Variants in EPHB1 observed in about 807,000 individuals in gnomAD.
EPHB1 encodes ephrin type-B receptor 1.
In EPHB1, 30 loss-of-function variants were observed where a neutral mutation model predicts 94.4. The observed-to-expected ratio is 0.32, with a 90% CI of 0.24 to 0.43. EPHB1 has a LOEUF of 0.43. EPHB1 is among the 20% of genes least tolerant of loss of function. The pLI, the probability that EPHB1 is intolerant of heterozygous loss-of-function variation, is 1.00. For synonymous variants in EPHB1, 522 were observed against 489.1 expected, an observed-to-expected ratio of 1.07 and a Z score of -0.89; for missense variants, 1,055 against 1,308.3, an observed-to-expected ratio of 0.81 and a Z score of 2.99.
At chr3:135,056,812 G>A (rs1160973452) in intron 3 of EPHB1, among the ~76,000 whole-genome samples, 2 of 152,224 alleles carry the variant, frequency 1.3e-5, no homozygotes, top group South Asian at 2.1e-4. Flanking sequence ...GGCTCTGGGA[G>A]TAGGGACACT....
At chr3:135,004,702 ATTCAT>A (rs1324803103) in intron 3 of EPHB1, among the ~76,000 whole-genome samples, 1 of 150,652 alleles carries the variant, frequency 6.6e-6, no homozygotes, top group Admixed American at 6.6e-5. Context: ...GCTTCATTTC[ATTCAT>A]TTCATCTTCC....
chr3:134,819,822 C>T (rs2108289433), intron 1 of EPHB1, among the ~76,000 whole-genome samples: 1 of 152,258 alleles, frequency 6.6e-6, no homozygotes, highest in African/African-American at 2.4e-5. Context: ...CTTTTCTAGC[C>T]CGGTCTTGCC....
intron 3 of EPHB1, among the ~76,000 whole-genome samples, chr3:135,010,980 C>T (rs959201938): frequency 2.0e-5 from 3 of 152,300 alleles, no homozygotes; most frequent in African/African-American, 7.2e-5. Context: ...TTTTGTTTGA[C>T]CAGATTCCCA....
intron 1 of EPHB1, among the ~76,000 whole-genome samples, chr3:134,892,887 T>C (rs921305525): frequency 6.6e-6 from 1 of 151,562 alleles, no homozygotes; most frequent in Non-Finnish European, 1.5e-5. Context: ...CTCGGCAGAA[T>C]TATAATAAAT....
intron 1 of EPHB1, among the ~76,000 whole-genome samples, chr3:134,908,808 A>T (rs750335370): frequency 4.7e-4 from 72 of 152,210 alleles, no homozygotes; most frequent in Non-Finnish European, 2.4e-4. Flanking sequence ...AGCATGGAAG[A>T]GGAGCTTCTT....
At position 135,056,557 on chromosome 3, in the gene EPHB1, C is replaced by T. The variant is rs535135073; in HGVS notation, c.806-49891C>T. The stretch of plus-strand genomic sequence containing the variant: ...TGGAGACTCACTCAGGTGGTGCTGA[C>T]TGTGCCCTAGGGCACTTCTGAGCAA... On this transcript the variant is annotated intron_variant, in intron 3 of 15. Transcript: ENST00000398015. Among the ~76,000 whole-genome samples the T allele has an allele frequency of 2.6e-5, 4 of 152,378 alleles. No individual in the cohort carries two copies. In the South Asian group the frequency reaches 8.3e-4, roughly 32 times the overall value.
chr3:135,079,456 T>A (rs4496527), intron 3 of EPHB1, among the ~76,000 whole-genome samples: 152,101 of 152,322 alleles, frequency 1, 75,940 homozygotes, highest in Non-Finnish European at 1. Flanking sequence ...CAACTGGTTC[T>A]TGTAGAGACT....
At chr3:135,053,023 G>GTATATATATATATATATATATATA (rs1419499793) in intron 3 of EPHB1, among the ~76,000 whole-genome samples, 1 of 68,580 alleles carries the variant, frequency 1.5e-5, no homozygotes, top group Non-Finnish European at 2.8e-5. Context: ...ATGTGTGTGT[G>GTATATATATATATATATATATATA]TGTGTATATA....
intron 5 of EPHB1, among the ~76,000 whole-genome samples, chr3:135,147,095 C>T (rs1212781310): frequency 6.6e-6 from 1 of 152,218 alleles, no homozygotes; most frequent in African/African-American, 2.4e-5. Context: ...AGAATAGGCA[C>T]ACACATCTCT....
chr3:134,807,167 A>G (rs1173775202), intron 1 of EPHB1, among the ~76,000 whole-genome samples: 1 of 152,186 alleles, frequency 6.6e-6, no homozygotes, highest in Non-Finnish European at 1.5e-5. Flanking sequence ...ACAGAGGCAA[A>G]TGGGGAGTGA....
intron 12 of EPHB1, among the ~76,000 whole-genome samples, chr3:135,221,747 C>G (rs1943283097): frequency 1.3e-5 from 2 of 152,174 alleles, no homozygotes; most frequent in African/African-American, 2.4e-5. Context: ...GCCTCATGTA[C>G]ATCACATGAC....
At chr3:134,978,941 A>G (rs1167136995) in intron 3 of EPHB1, among the ~76,000 whole-genome samples, 3 of 152,342 alleles carry the variant, frequency 2.0e-5, no homozygotes, top group Admixed American at 2.0e-4. Context: ...AAATAGGACC[A>G]GCTTTCTTGG....
intron 1 of EPHB1, chr3:134,840,661 A>G (rs1159930878): frequency 1.3e-5 from 2 of 152,250 alleles, no homozygotes; most frequent in Admixed American, 1.3e-4. Context: ...AGAAAATTTT[A>G]TGAAGTTGTT....
At chr3:135,167,949 C>T (rs1349996720) in intron 9 of EPHB1, among the ~76,000 whole-genome samples, 1 of 152,162 alleles carries the variant, frequency 6.6e-6, no homozygotes, top group African/African-American at 2.4e-5. Context: ...CCTGTCTCCA[C>T]AGGGGGGTTC....
At chr3:135,161,143 CT>C (rs1240273214) in intron 6 of EPHB1, among the ~76,000 whole-genome samples, 1 of 152,098 alleles carries the variant, frequency 6.6e-6, no homozygotes, top group Non-Finnish European at 1.5e-5. Context: ...AAAAAGTCAC[CT>C]TTTAAGGGCA....
intron 10 of EPHB1, among the ~76,000 whole-genome samples, chr3:135,190,197 C>G (rs1352364141): frequency 6.6e-6 from 1 of 152,218 alleles, no homozygotes; most frequent in Non-Finnish European, 1.5e-5. Flanking sequence ...ATACCTACCT[C>G]ACAGGAGTGT....
chr3:135,069,594 G>A (rs1937637604), intron 3 of EPHB1, among the ~76,000 whole-genome samples: 1 of 152,118 alleles, frequency 6.6e-6, no homozygotes, highest in African/African-American at 2.4e-5. Context: ...CTGATCCCAG[G>A]TTCTGGGGGT....
At chr3:135,034,716 T>G (rs1936589502) in intron 3 of EPHB1, among the ~76,000 whole-genome samples, 1 of 152,240 alleles carries the variant, frequency 6.6e-6, no homozygotes, top group Non-Finnish European at 1.5e-5. Flanking sequence ...CTGTCATGGC[T>G]TCCAGAAGCA....
chr3:135,110,273 A>G (rs1939389001), intron 4 of EPHB1, among the ~76,000 whole-genome samples: 1 of 152,164 alleles, frequency 6.6e-6, no homozygotes, highest in Admixed American at 6.5e-5. Flanking sequence ...TTTCTTCTTC[A>G]AATGCAATGG....
Sources: allele counts gnomAD v4.1 joint callset (sites outside exome capture counted in the v4.1 genomes callset), GRCh38; gene constraint gnomAD v4.1.1; transcripts MANE v1.5; gene names NCBI Gene and HGNC (gene_info 2026-07-23, HGNC 2026-07-21).